The following GASK1A variants were observed in gnomAD, a reference collection of about 807,000 sequenced individuals.
GASK1A encodes golgi associated kinase 1A.
GASK1A carries 40 observed loss-of-function variants against 41.2 expected under a neutral mutation model. The observed-to-expected ratio is 0.97, with a 90% confidence interval of 0.75 to 1.27. The LOEUF is 1.27. Ranked by LOEUF, GASK1A falls within the 50% of genes most tolerant of loss-of-function variation. The probability of loss-of-function intolerance (pLI) is 0.00; values close to 1 mark genes in which losing one functional copy is unlikely to be tolerated. For missense variants in GASK1A, 678 were observed against 745.1 expected (o/e 0.91, Z 1.05); for synonymous variants, 316 against 307.1 (o/e 1.03, Z -0.30).
intron 1 of GASK1A, among the ~76,000 whole-genome samples, chr3:43,008,071 C>T (rs1016017939): frequency 3.9e-5 from 6 of 152,210 alleles, no homozygotes; most frequent in African/African-American, 1.2e-4. Flanking sequence ...GTCAAAACTC[C>T]GGCTAATAAA....
At chr3:43,052,952 G>A (rs1291310696) in intron 2 of GASK1A, among the ~76,000 whole-genome samples, 2 of 152,204 alleles carry the variant, frequency 1.3e-5, no homozygotes, top group African/African-American at 4.8e-5. Context: ...TGCTGTGGGT[G>A]TCATCTGTAT....
intron 1 of GASK1A, among the ~76,000 whole-genome samples, chr3:42,999,954 C>A (rs905944054): frequency 1.3e-5 from 2 of 152,198 alleles, no homozygotes; most frequent in African/African-American, 2.4e-5. Flanking sequence ...CTTCTGTATT[C>A]ATTTTTCCCT....
chr3:43,054,033 C>T lies in GASK1A; in HGVS notation c.1413+390C>T, dbSNP rs565229041. 1.1e-3 allele frequency: 382 copies of T among 353,608 alleles called. 2 individuals carry two copies. Among genetic ancestry groups the T allele is most frequent in the African/African-American group, 3.8e-3 (180 of 46,930 alleles). The allele number at this position is 353,608 out of a possible 1,614,324, so 21.9% of individuals were successfully genotyped here. A position where few individuals can be genotyped will look rare whatever the true frequency, so the allele number is the denominator to read the frequency against. ...AGGGAAAGGAATCTTCAAGGCCATA[C>T]GCTAGCAGCATTAGGGCATGAACCC... On this transcript the variant is annotated intron_variant, in intron 3 of 4. Transcript: ENST00000430121.
intron 1 of GASK1A, among the ~76,000 whole-genome samples, chr3:43,005,458 A>T (rs1030440900): frequency 4.6e-5 from 7 of 152,232 alleles, no homozygotes; most frequent in Non-Finnish European, 7.3e-5. Context: ...GACATGAGTC[A>T]TCCCTTTGTC....
At chr3:43,030,814 T>C (rs2089571232) in intron 1 of GASK1A, among the ~76,000 whole-genome samples, 4 of 152,126 alleles carry the variant, frequency 2.6e-5, no homozygotes, top group Admixed American at 2.0e-4. Context: ...TGGATAGATA[T>C]GGCTCGGGTG....
intron 1 of GASK1A, among the ~76,000 whole-genome samples, chr3:42,981,312 T>C (rs1559394695): frequency 1.3e-5 from 2 of 152,164 alleles, no homozygotes; most frequent in African/African-American, 4.8e-5. Context: ...ATGAAGGGTC[T>C]TGAGGTCCAG....
At chr3:43,049,040 G>T (rs2089676619) in intron 2 of GASK1A, among the ~76,000 whole-genome samples, 1 of 152,124 alleles carries the variant, frequency 6.6e-6, no homozygotes, top group Admixed American at 6.5e-5. Flanking sequence ...GAAGAGTCAG[G>T]GGAAGGATGG....
chr3:43,024,643 C>T (rs2089537458), intron 1 of GASK1A, among the ~76,000 whole-genome samples: 1 of 152,130 alleles, frequency 6.6e-6, no homozygotes, highest in African/African-American at 2.4e-5. Context: ...GCCCTCTTCA[C>T]CAGCAGACGT....
intron 1 of GASK1A, among the ~76,000 whole-genome samples, chr3:43,028,202 A>G (rs1184598220): frequency 1.3e-5 from 2 of 152,206 alleles, no homozygotes; most frequent in African/African-American, 4.8e-5. Context: ...AATGTTTCTT[A>G]TCAGACATAA....
At chr3:42,989,452 T>TC in intron 1 of GASK1A, among the ~76,000 whole-genome samples, 1 of 152,356 alleles carries the variant, frequency 6.6e-6, no homozygotes, top group South Asian at 2.1e-4. Flanking sequence ...TTCTTTTGAA[T>TC]ATTGTCACTG....
intron 2 of GASK1A, among the ~76,000 whole-genome samples, chr3:43,048,702 A>G (rs2089675116): frequency 6.6e-6 from 1 of 152,180 alleles, no homozygotes; most frequent in Admixed American, 6.5e-5. Flanking sequence ...TCCTGGAGGC[A>G]TTTATTTTCC....
chr3:43,021,704 C>A (rs932607489), intron 1 of GASK1A, among the ~76,000 whole-genome samples: 2 of 152,208 alleles, frequency 1.3e-5, no homozygotes, highest in Non-Finnish European at 2.9e-5. Flanking sequence ...GCTGAGGAAA[C>A]AGGGCAGAGA....
At chr3:43,025,804 C>T (rs536455288) in intron 1 of GASK1A, among the ~76,000 whole-genome samples, 1 of 152,148 alleles carries the variant, frequency 6.6e-6, no homozygotes, top group Admixed American at 6.6e-5. Context: ...AAAAAAGTAC[C>T]ATTGAGGACT....
At chr3:43,010,790 C>G (rs1043592248) in intron 1 of GASK1A, among the ~76,000 whole-genome samples, 3 of 152,202 alleles carry the variant, frequency 2.0e-5, no homozygotes, top group Non-Finnish European at 2.9e-5. Flanking sequence ...GTTTCCATCA[C>G]ATAATAAGAT....
intron 1 of GASK1A, among the ~76,000 whole-genome samples, chr3:42,990,217 G>A (rs1278178948): frequency 6.6e-6 from 1 of 151,802 alleles, no homozygotes; most frequent in Non-Finnish European, 1.5e-5. Context: ...GTTTAAAAAG[G>A]TGTGTGCCTA....
intron 2 of GASK1A, among the ~76,000 whole-genome samples, chr3:43,048,116 G>GTTATA (rs1430534132): frequency 6.6e-6 from 1 of 152,158 alleles, no homozygotes; most frequent in Non-Finnish European, 1.5e-5. Context: ...GTGAGTCAGT[G>GTTATA]GTATAAAGGC....
chr3:42,985,567 GT>G (rs2089304283), intron 1 of GASK1A, among the ~76,000 whole-genome samples: 1 of 145,318 alleles, frequency 6.9e-6, no homozygotes, highest in African/African-American at 2.4e-5. Flanking sequence ...GTGTGTGTGT[GT>G]GTGTGTGTGT....
chr3:43,041,200 T>C (rs890230687), intron 2 of GASK1A, among the ~76,000 whole-genome samples: 1 of 151,272 alleles, frequency 6.6e-6, no homozygotes, highest in African/African-American at 2.4e-5. Flanking sequence ...TGCACGTGTC[T>C]TTATAGCAGC....
intron 1 of GASK1A, among the ~76,000 whole-genome samples, chr3:43,026,248 G>C (rs1345246552): frequency 6.6e-6 from 1 of 152,236 alleles, no homozygotes; most frequent in Non-Finnish European, 1.5e-5. Flanking sequence ...TTTGCAGGAT[G>C]CAGCCTGGTC....
Sources: allele counts gnomAD v4.1 joint callset (sites outside exome capture counted in the v4.1 genomes callset), GRCh38; gene constraint gnomAD v4.1.1; transcripts MANE v1.5; gene names NCBI Gene and HGNC (gene_info 2026-07-23, HGNC 2026-07-21).